Variants in ERICH3 observed in about 807,000 individuals in gnomAD.
ERICH3 encodes glutamate rich 3.
In ERICH3, 126 loss-of-function variants were observed where a neutral mutation model predicts 131.1. The observed-to-expected ratio is 0.96, with a 90% CI of 0.83 to 1.11. The LOEUF (loss-of-function observed/expected upper bound fraction) is 1.11. ERICH3 is among the 50% of genes most tolerant of loss of function. The pLI is 0.00. For missense variants in ERICH3, 2,050 were observed against 1,810.7 expected, an observed-to-expected ratio of 1.13 and a Z score of -2.40; for synonymous variants, 695 against 644.6, an observed-to-expected ratio of 1.08 and a Z score of -1.18.
intron 1 of ERICH3, among the ~76,000 whole-genome samples, chr1:74,663,344 A>G (rs528953618): frequency 6.6e-6 from 1 of 152,312 alleles, no homozygotes; most frequent in East Asian, 1.9e-4. Context: ...GGGTCACACA[A>G]CAACTATCTG....
At position 74,572,578 on chromosome 1, in the gene ERICH3, A is replaced by G. The variant is rs372727450; in HGVS notation, c.3132T>C (p.Asp1044=). 6.2e-7 allele frequency: 1 copy of G among 1,613,134 alleles called. No homozygotes were observed. The part of the protein sequence containing the change: ...MVTEAEANRE[D]DRKEILPKEL... ...CCTTGGGTAAAATTTCTTTCCTATCATCTTCCCTATTAGCTTCTGCCTCAG... is the reference window on the plus strand; with the variant it reads ...CCTTGGGTAAAATTTCTTTCCTATCGTCTTCCCTATTAGCTTCTGCCTCAG... Residue 1044 remains aspartate, a synonymous_variant, in exon 14 of 15, where the codon GAT becomes GAC. Coordinates refer to ENST00000326665, the MANE Select transcript of ERICH3 (RefSeq NM_001002912.5).
At chr1:74,574,987 C>CG (rs1647024533) in intron 13 of ERICH3, among the ~76,000 whole-genome samples, 1 of 149,436 alleles carries the variant, frequency 6.7e-6, no homozygotes, top group African/African-American at 2.5e-5. Flanking sequence ...CAAACTCTAA[C>CG]TTAAAAAAAA....
chr1:74,586,961 T>C (rs1647357246), intron 12 of ERICH3, among the ~76,000 whole-genome samples: 1 of 152,176 alleles, frequency 6.6e-6, no homozygotes, highest in Non-Finnish European at 1.5e-5. Flanking sequence ...TTTTCTCTAT[T>C]GTCTAAATAT....
At chr1:74,579,426 T>C in intron 12 of ERICH3, 1 of 985,422 alleles carries the variant, frequency 1.0e-6, no homozygotes, top group Non-Finnish European at 1.2e-6. Context: ...GTGAAGCTTG[T>C]AGTCCCTCTG....
chr1:74,577,195 C>T, intron 12 of ERICH3: 2 of 338,852 alleles, frequency 5.9e-6, no homozygotes, highest in Non-Finnish European at 1.1e-5. Flanking sequence ...CTGTGAAGCT[C>T]TCCTTAGGGC....
chr1:74,616,761 TGTCCTTATAAAAAGAG>T (rs1363452075), intron 8 of ERICH3, among the ~76,000 whole-genome samples: 1 of 152,076 alleles, frequency 6.6e-6, no homozygotes, highest in African/African-American at 2.4e-5. Context: ...CAATGGCTGA[TGTCCTTATAAAAAGAG>T]GTGAGGACAC....
At chr1:74,580,106 A>G (rs894220405) in intron 12 of ERICH3, among the ~76,000 whole-genome samples, 17 of 152,108 alleles carry the variant, frequency 1.1e-4, no homozygotes, top group African/African-American at 3.9e-4. Flanking sequence ...TAAAGGATAC[A>G]AAGAAGAAAA....
rs1648954618 is a variant in ERICH3 at position 74,616,169 on chromosome 1, A to G, written c.1001-3360T>C. Among the ~76,000 whole-genome samples the G allele has an allele frequency of 2.0e-5, 3 of 151,746 alleles. No individual in the cohort carries two copies. The South Asian group carries it at 6.3e-4, about 32-fold the overall frequency. ...GGCACACACCACCATGGCCAGCTAT[A>G]TATATATACACATATATATATTGTA... is the stretch of plus-strand genomic sequence containing the variant. On this transcript the variant is annotated intron_variant, in intron 8 of 14. Coordinates refer to ENST00000326665, the MANE Select transcript of ERICH3 (RefSeq NM_001002912.5).
chr1:74,673,432 G>A, intron 1 of ERICH3, 65 bp downstream of exon 1: 3 of 1,593,684 alleles, frequency 1.9e-6, no homozygotes. Context: ...CAGGAGGGAG[G>A]AGGAGGGGCA....
chr1:74,625,454 A>G (rs1649381132), intron 7 of ERICH3: 1 of 152,058 alleles, frequency 6.6e-6, no homozygotes, highest in Non-Finnish European at 1.5e-5. Context: ...CTTCCTACTG[A>G]TCATTCAAAG....
chr1:74,659,289 T>C (rs141394474), intron 1 of ERICH3, among the ~76,000 whole-genome samples: 14 of 152,048 alleles, frequency 9.2e-5, no homozygotes, highest in African/African-American at 3.1e-4. Flanking sequence ...TAGAAGCACC[T>C]CCTGCTACTG....
In ERICH3 at chr1:74,571,625, C is replaced by T; in HGVS notation, c.4085G>A (p.Gly1362Asp). 2.5e-6 allele frequency: 4 copies of T among 1,614,200 alleles called. No homozygotes were observed. The highest frequency in any genetic ancestry group is 2.5e-6 in the Non-Finnish European group (3 of 1,180,024). The change falls in exon 14 of 15, where the codon GGT becomes GAT. Residue 1362 changes from glycine (G) to aspartate (D), a missense_variant. Gly to Asp is a moderately conservative substitution (Grantham distance 94). Transcript: ENST00000326665. ...TAAEEREVLA[G>D]SETAEEKTIA... ...TGTTTTCTCCTCGGCTGTCTCCGAACCTGCCAACACCTCCCTCTCCTCTGC... is the reference window on the plus strand; with the variant it reads ...TGTTTTCTCCTCGGCTGTCTCCGAATCTGCCAACACCTCCCTCTCCTCTGC...
intron 1 of ERICH3, among the ~76,000 whole-genome samples, chr1:74,668,207 C>T (rs2100660844): frequency 6.6e-6 from 1 of 152,254 alleles, no homozygotes; most frequent in Middle Eastern, 3.4e-3. Context: ...CTCAAGTTTG[C>T]TTTGTACTCC....
intron 6 of ERICH3, among the ~76,000 whole-genome samples, chr1:74,635,415 T>C (rs950709537): frequency 6.6e-5 from 10 of 152,218 alleles, no homozygotes; most frequent in African/African-American, 2.4e-4. Flanking sequence ...ATTTATACTT[T>C]TACTGTGAAA....
At chr1:74,643,799 C>A (rs1646456648) in intron 3 of ERICH3, among the ~76,000 whole-genome samples, 2 of 152,062 alleles carry the variant, frequency 1.3e-5, no homozygotes, top group Admixed American at 6.6e-5. Flanking sequence ...GTAATTTCAA[C>A]CTTGGCCTAT....
At chr1:74,594,051 T>C (rs187448436) in intron 11 of ERICH3, among the ~76,000 whole-genome samples, 109 of 152,142 alleles carry the variant, frequency 7.2e-4, no homozygotes, top group Non-Finnish European at 1.1e-3. Context: ...TTATCTCTAC[T>C]GGTCATTCTT....
chr1:74,612,677 C>T lies in ERICH3; in HGVS notation c.1133G>A (p.Gly378Asp). The change falls in exon 9 of 15, where the codon GGC becomes GAC. Residue 378 changes from glycine (G) to aspartate (D), a missense_variant. Gly to Asp is a moderately conservative substitution (Grantham distance 94, BLOSUM62 -1). Transcript: ENST00000326665. ...CACAAACCCAAAGTAGCCTCGTTTG[C>T]CTCCAAGCCTGGAACCTTTCCGATG... ...YKHRKGSRLG[G>D]KRGYFGFVCV... 6.3e-7 allele frequency: 1 copy of T among 1,594,970 alleles called. No homozygotes were observed. Among genetic ancestry groups the T allele is most frequent in the Non-Finnish European group, 8.6e-7 (1 of 1,165,778 alleles).
intron 13 of ERICH3, among the ~76,000 whole-genome samples, chr1:74,574,725 G>GT (rs1647020269): frequency 6.6e-6 from 1 of 152,136 alleles, no homozygotes; most frequent in Non-Finnish European, 1.5e-5. Context: ...GGTTTGATAT[G>GT]TTTTTAATGG....
upstream of ERICH3, among the ~76,000 whole-genome samples, chr1:74,673,953 C>T (rs1646765277): frequency 6.6e-6 from 1 of 152,218 alleles, no homozygotes; most frequent in African/African-American, 2.4e-5. Context: ...TGCACACACA[C>T]AGGCACACCC....
Sources: allele counts gnomAD v4.1 joint callset (sites outside exome capture counted in the v4.1 genomes callset), GRCh38; gene constraint gnomAD v4.1.1; transcripts MANE v1.5; gene names NCBI Gene and HGNC (gene_info 2026-07-23, HGNC 2026-07-21).